Variants in MAPRE1 observed in about 807,000 individuals in gnomAD.
The protein encoded by MAPRE1 is microtubule-associated protein RP/EB family member 1.
In MAPRE1, 5 loss-of-function variants were observed where a neutral mutation model predicts 32.1. The ratio of observed to expected loss-of-function variants is 0.16; its 90% CI spans 0.08 to 0.33. MAPRE1 has a LOEUF of 0.33. Ranked by LOEUF, MAPRE1 falls within the 10% of genes least tolerant of loss-of-function variation. The pLI is 1.00. For synonymous variants in MAPRE1, 122 were observed against 118.9 expected, an observed-to-expected ratio of 1.03 and a Z score of -0.17; for missense variants, 209 against 327.2, an observed-to-expected ratio of 0.64 and a Z score of 2.79.
chr20:32,820,309 C>G (rs1352618192), intron 1 of MAPRE1, among the ~76,000 whole-genome samples: 1 of 152,024 alleles, frequency 6.6e-6, no homozygotes, highest in Non-Finnish European at 1.5e-5. Context: ...GTGGTCCCTG[C>G]GCTGCAGCGA....
intron 5 of MAPRE1, chr20:32,843,460 GA>G (rs1983418428): frequency 6.6e-6 from 1 of 152,192 alleles, no homozygotes; most frequent in Non-Finnish European, 1.5e-5. Flanking sequence ...AATGAAGGTA[GA>G]AGGTGAGTCA....
intron 5 of MAPRE1, among the ~76,000 whole-genome samples, chr20:32,845,217 T>G (rs1305364475): frequency 6.6e-6 from 1 of 152,098 alleles, no homozygotes; most frequent in Admixed American, 6.5e-5. Flanking sequence ...ATTTTTAGAT[T>G]TTTTTGTAGA....
At chr20:32,843,068 A>G (rs988458273) in intron 5 of MAPRE1, 1 of 152,184 alleles carries the variant, frequency 6.6e-6, no homozygotes, top group African/African-American at 2.4e-5. Context: ...GAAGGCTGGG[A>G]TCAAATGCTC....
At chr20:32,847,935 A>G (rs553023330) in intron 6 of MAPRE1, among the ~76,000 whole-genome samples, 18 of 152,336 alleles carry the variant, frequency 1.2e-4, no homozygotes, top group Non-Finnish European at 1.5e-5. Context: ...ATGGCTCCTA[A>G]GTATAACAAA....
intron 4 of MAPRE1, among the ~76,000 whole-genome samples, chr20:32,838,488 C>A (rs1173399579): frequency 6.6e-6 from 1 of 152,172 alleles, no homozygotes; most frequent in Non-Finnish European, 1.5e-5. Context: ...TTTGATTTCT[C>A]TCAGTTACAG....
chr20:32,822,980 G>A (rs1325148495), intron 1 of MAPRE1, among the ~76,000 whole-genome samples: 4 of 152,216 alleles, frequency 2.6e-5, no homozygotes, highest in Non-Finnish European at 1.5e-5. Flanking sequence ...GATTTGGGGA[G>A]TGTAACAGTG....
At chr20:32,824,936 G>T (rs1232342123) in intron 1 of MAPRE1, among the ~76,000 whole-genome samples, 3 of 151,888 alleles carry the variant, frequency 2.0e-5, no homozygotes, top group Non-Finnish European at 4.4e-5. Context: ...TGGATCACCT[G>T]AGGTCAGGAG....
Position 32,837,268 on chromosome 20 carries a change from G to A in MAPRE1, c.475+427G>A, listed in dbSNP as rs1006684136. Among the ~76,000 whole-genome samples, 9 of 152,190 alleles carry A rather than the reference G, an allele frequency of 5.9e-5. 1 individual carries two copies. Among genetic ancestry groups the A allele is most frequent in the African/African-American group, 1.9e-4 (8 of 41,452 alleles). ...GAGCTGAACTCCTTGAAGGAAGTGT[G>A]TAGGTCTCTCAGGGACTGCTCTTGG... On this transcript the variant is annotated intron_variant, in intron 4 of 6. Coordinates refer to ENST00000375571, the MANE Select transcript of MAPRE1 (RefSeq NM_012325.3).
intron 4 of MAPRE1, among the ~76,000 whole-genome samples, chr20:32,839,060 C>CA (rs1315165857): frequency 6.6e-6 from 1 of 152,122 alleles, no homozygotes; most frequent in Non-Finnish European, 1.5e-5. Context: ...AAATACTAGT[C>CA]AGTGTGATGC....
chr20:32,840,960 C>G (rs1449940381), intron 5 of MAPRE1, among the ~76,000 whole-genome samples: 3 of 151,712 alleles, frequency 2.0e-5, no homozygotes, highest in Admixed American at 6.6e-5. Context: ...GGACTACAGT[C>G]GTGCGCCACC....
At chr20:32,826,580 G>A (rs1333622829) in intron 2 of MAPRE1, among the ~76,000 whole-genome samples, 1 of 138,604 alleles carries the variant, frequency 7.2e-6, no homozygotes, top group African/African-American at 2.7e-5. Context: ...AGGCTGGAGT[G>A]CAGTGGTGCA....
chr20:32,848,733 C>T lies in MAPRE1; in HGVS notation c.*5C>T, dbSNP rs759140325. 1 of 1,610,156 alleles carries T rather than the reference C, an allele frequency of 6.2e-7. No homozygotes were observed. The highest frequency in any genetic ancestry group is 8.5e-7 in the Non-Finnish European group (1 of 1,177,964). The stretch of plus-strand genomic sequence containing the variant: ...GAGGAGCAAGAAGAGTATTAACAGC[C>T]TGGACCAGCAGAGCAACATCGGAAT... On this transcript the variant is annotated 3_prime_UTR_variant, in exon 7 of 7. Coordinates refer to ENST00000375571, the MANE Select transcript of MAPRE1 (RefSeq NM_012325.3).
chr20:32,835,590 TTTTTC>T (rs959633943), intron 3 of MAPRE1, among the ~76,000 whole-genome samples: 36 of 152,082 alleles, frequency 2.4e-4, no homozygotes, highest in African/African-American at 4.6e-4. Context: ...GAATTATTCT[TTTTTC>T]TTTTCTTTTC....
At chr20:32,836,513 A>G in intron 3 of MAPRE1, 121 bp from the exon 4 acceptor site, 1 of 644,394 alleles carries the variant, frequency 1.6e-6, no homozygotes, top group South Asian at 2.0e-5. Flanking sequence ...GCTTAGCCCT[A>G]AGGTCTCTAA....
chr20:32,847,831 G>A (rs1171109568), intron 6 of MAPRE1, among the ~76,000 whole-genome samples: 1 of 152,142 alleles, frequency 6.6e-6, no homozygotes, highest in African/African-American at 2.4e-5. Flanking sequence ...AATGAGGTGT[G>A]TGGGAGTCAT....
At chr20:32,830,355 A>G (rs1433785093) in intron 2 of MAPRE1, among the ~76,000 whole-genome samples, 1 of 152,050 alleles carries the variant, frequency 6.6e-6, no homozygotes, top group Non-Finnish European at 1.5e-5. Flanking sequence ...CCCAGCTCAG[A>G]TCTGGTCTGA....
chr20:32,836,511 C>T lies in MAPRE1; in HGVS notation c.268-123C>T, dbSNP rs1983206129. 3 of 642,146 alleles carry T rather than the reference C, an allele frequency of 4.7e-6. No homozygotes were observed. The Admixed American group carries it at 9.1e-5, about 19-fold the overall frequency. The allele number at this position is 642,146 out of a possible 1,614,324, so 39.8% of individuals were successfully genotyped here. ...GCTTTATAAATTTAGGGGCTTAGCCCTAAGGTCTCTAAAATATTTTTTTCT... is the reference window on the plus strand; with the variant it reads ...GCTTTATAAATTTAGGGGCTTAGCCTTAAGGTCTCTAAAATATTTTTTTCT... On this transcript the variant is annotated intron_variant, in intron 3 of 6. Transcript: ENST00000375571.
chr20:32,839,445 A>G (rs906676869), intron 4 of MAPRE1, among the ~76,000 whole-genome samples: 6 of 152,244 alleles, frequency 3.9e-5, no homozygotes, highest in African/African-American at 1.4e-4. Context: ...TACCCCTTTC[A>G]GATGGTAGTC....
chr20:32,835,588 C>A (rs1482374208), intron 3 of MAPRE1, among the ~76,000 whole-genome samples: 3 of 151,690 alleles, frequency 2.0e-5, no homozygotes, highest in African/African-American at 7.3e-5. Flanking sequence ...TAGAATTATT[C>A]TTTTTTCTTT....
Sources: gnomAD v4.1 joint callset for allele counts (sites outside exome capture counted in the v4.1 genomes callset) on GRCh38, gnomAD v4.1.1 for gene constraint, MANE v1.5 for transcripts, NCBI Gene and HGNC (gene_info 2026-07-23, HGNC 2026-07-21) for gene names.